Variants in PKP4 observed in about 807,000 individuals in gnomAD.
PKP4 encodes the protein plakophilin 4, also known as plakophilin-4.
A neutral mutation model predicts 145.1 loss-of-function variants in PKP4; 90 were observed. The observed-to-expected ratio is 0.62, with a 90% CI of 0.52 to 0.74. The LOEUF (loss-of-function observed/expected upper bound fraction) is 0.74. Among genes scored for constraint, PKP4 ranks in the 30% least tolerant of loss-of-function variants. The pLI is 0.00. For synonymous variants in PKP4, 563 were observed against 577.2 expected (o/e 0.98, Z 0.35); for missense variants, 1,340 against 1,482.7 (o/e 0.90, Z 1.58).
At chr2:158,463,214 G>A (rs939386022) in intron 1 of PKP4, among the ~76,000 whole-genome samples, 1 of 152,092 alleles carries the variant, frequency 6.6e-6, no homozygotes, top group Non-Finnish European at 1.5e-5. Context: ...ATTAACCACC[G>A]CTAGCCAACA....
At chr2:158,540,420 G>T (rs1438470945) in intron 2 of PKP4, among the ~76,000 whole-genome samples, 1 of 152,118 alleles carries the variant, frequency 6.6e-6, no homozygotes, top group East Asian at 1.9e-4. Context: ...GATTAAGCTT[G>T]CTTTTAATTA....
At chr2:158,484,827 A>G (rs1487839964) in intron 1 of PKP4, among the ~76,000 whole-genome samples, 3 of 152,370 alleles carry the variant, frequency 2.0e-5, no homozygotes, top group South Asian at 4.1e-4. Flanking sequence ...AAAACTGCTC[A>G]TAAGTGGGGT....
chr2:158,680,358 C>A (rs2058360035), intron 21 of PKP4, 71 bp from the exon 22 acceptor site: 1 of 1,144,936 alleles, frequency 8.7e-7, no homozygotes, highest in Non-Finnish European at 1.3e-6. Context: ...AGGAAGCCCA[C>A]ATTAATTTTC....
chr2:158,522,447 A>G (rs1187128288), intron 1 of PKP4, among the ~76,000 whole-genome samples: 1 of 94,900 alleles, frequency 1.1e-5, no homozygotes, highest in African/African-American at 4.0e-5. Flanking sequence ...ATTAAGATAC[A>G]TACATGCATA....
chr2:158,591,403 G>A (rs983123132), intron 3 of PKP4, among the ~76,000 whole-genome samples: 6 of 151,976 alleles, frequency 3.9e-5, no homozygotes, highest in Non-Finnish European at 7.4e-5. Context: ...GTAATAAGAT[G>A]TCTTGAGTTT....
chr2:158,596,315 G>A (rs951435763), intron 3 of PKP4, among the ~76,000 whole-genome samples: 4 of 152,118 alleles, frequency 2.6e-5, no homozygotes, highest in Non-Finnish European at 4.4e-5. Flanking sequence ...ATCTGTAAAC[G>A]TGGGCGTTTT....
chr2:158,568,416 G>A (rs2047169220), intron 2 of PKP4, among the ~76,000 whole-genome samples: 1 of 152,168 alleles, frequency 6.6e-6, no homozygotes, highest in Admixed American at 6.5e-5. Context: ...TGATGTTGCT[G>A]GTTCAGGGAC....
intron 8 of PKP4, among the ~76,000 whole-genome samples, chr2:158,633,523 A>G (rs1197236298): frequency 6.6e-6 from 1 of 152,212 alleles, no homozygotes; most frequent in African/African-American, 2.4e-5. Flanking sequence ...ATGGTGTGCA[A>G]TTTAAAACTT....
chr2:158,559,035 C>G (rs996170641), intron 2 of PKP4, among the ~76,000 whole-genome samples: 1 of 152,142 alleles, frequency 6.6e-6, no homozygotes, highest in Admixed American at 6.5e-5. Context: ...TTAGTTTTTT[C>G]TCTTCATCTT....
At chr2:158,634,433 T>G in intron 9 of PKP4, 144 bp downstream of exon 9, 1 of 596,604 alleles carries the variant, frequency 1.7e-6, no homozygotes, top group Non-Finnish European at 2.9e-6. Context: ...CTTCCAGTTG[T>G]ATTCCAGCTA....
intron 2 of PKP4, among the ~76,000 whole-genome samples, chr2:158,573,109 A>T (rs1008028836): frequency 1.3e-5 from 2 of 152,276 alleles, no homozygotes; most frequent in African/African-American, 2.4e-5. Flanking sequence ...GGAACAACCC[A>T]AGGTTCATGA....
intron 11 of PKP4, among the ~76,000 whole-genome samples, chr2:158,648,994 A>C (rs2055092304): frequency 6.6e-6 from 1 of 152,206 alleles, no homozygotes; most frequent in Non-Finnish European, 1.5e-5. Context: ...ACTCTGTCTC[A>C]AAAAAATAAA....
chr2:158,550,666 A>G (rs1333095392), intron 2 of PKP4, among the ~76,000 whole-genome samples: 1 of 152,234 alleles, frequency 6.6e-6, no homozygotes, highest in Non-Finnish European at 1.5e-5. Context: ...CTCAGACTTA[A>G]TGGAGAATTC....
chr2:158,650,237 T>G (rs976033986), intron 11 of PKP4, among the ~76,000 whole-genome samples: 3 of 152,234 alleles, frequency 2.0e-5, no homozygotes, highest in Non-Finnish European at 4.4e-5. Context: ...GTGTCCCATA[T>G]GGGCAATTCT....
In PKP4 at chr2:158,533,160, C is replaced by T. The variant is rs1480632589; in HGVS notation, c.-5-20C>T. 5 of 1,599,806 alleles carry T rather than the reference C, an allele frequency of 3.1e-6. No individual in the cohort carries two copies. The highest frequency in any genetic ancestry group is 4.2e-4 in the Middle Eastern group (2 of 4,788). ...GGGAGCCCAGAAGAAAGTGTTAACCCTTTGCCTGCTTGATTGCAGGAGGAA... is the reference window on the plus strand; with the variant it reads ...GGGAGCCCAGAAGAAAGTGTTAACCTTTTGCCTGCTTGATTGCAGGAGGAA... On this transcript the variant is annotated intron_variant, in intron 1 of 21. Transcript: ENST00000389759.
At chr2:158,475,394 G>C (rs994519523) in intron 1 of PKP4, among the ~76,000 whole-genome samples, 1 of 152,102 alleles carries the variant, frequency 6.6e-6, no homozygotes, top group African/African-American at 2.4e-5. Context: ...TAGGTGCCCA[G>C]TGTTTTAGAC....
At chr2:158,550,134 G>T (rs994977200) in intron 2 of PKP4, among the ~76,000 whole-genome samples, 2 of 102,516 alleles carry the variant, frequency 2.0e-5, no homozygotes, top group Non-Finnish European at 2.8e-5. Context: ...TTACTTTTCT[G>T]CCAAGAAGAA....
At chr2:158,492,583 T>C (rs564791952) in intron 1 of PKP4, among the ~76,000 whole-genome samples, 5 of 152,130 alleles carry the variant, frequency 3.3e-5, no homozygotes, top group African/African-American at 1.2e-4. Flanking sequence ...GCTTTGCTCC[T>C]GAGGATACTC....
At chr2:158,663,230 G>A in intron 14 of PKP4, 42 bp from the exon 15 acceptor site, 1 of 1,587,196 alleles carries the variant, frequency 6.3e-7, no homozygotes, top group Non-Finnish European at 8.6e-7. Flanking sequence ...TGGAGATCAT[G>A]TTCATTCTGC....
Sources: allele counts gnomAD v4.1 joint callset (sites outside exome capture counted in the v4.1 genomes callset), GRCh38; gene constraint gnomAD v4.1.1; transcripts MANE v1.5; gene names NCBI Gene and HGNC (gene_info 2026-07-23, HGNC 2026-07-21).